Variants in GRID2 observed in about 807,000 individuals in gnomAD.
The protein encoded by GRID2 is glutamate ionotropic receptor delta type subunit 2, also known as glutamate receptor ionotropic, delta-2.
Under a neutral mutation model 114.8 loss-of-function variants are expected in GRID2, and 33 were observed. The observed-to-expected ratio is 0.29, with a 90% confidence interval of 0.22 to 0.38. The LOEUF (loss-of-function observed/expected upper bound fraction) is 0.38. Ranked by LOEUF, GRID2 falls within the 10% of genes least tolerant of loss-of-function variation. The pLI, the probability that GRID2 is intolerant of heterozygous loss-of-function variation, is 1.00. For synonymous variants in GRID2, 505 were observed against 449.9 expected (o/e 1.12, Z -1.55); for missense variants, 1,184 against 1,257.7 (o/e 0.94, Z 0.89).
rs191930405 is a variant in GRID2, at chr4:93,138,205, G to A, written c.735+27252G>A. Among the ~76,000 whole-genome samples the A allele has an allele frequency of 1.3e-4, 20 of 151,878 alleles. No individual in the cohort carries two copies. In the East Asian group the frequency reaches 2.9e-3, roughly 22 times the overall value. ...GCCCAGGCTGGTCTTGAACTCCTGA[G>A]CTCCAGTGATCCACCTGTCTCGGCC... is the stretch of plus-strand genomic sequence containing the variant. On this transcript the variant is annotated intron_variant, in intron 4 of 15. Transcript: ENST00000282020.
intron 1 of GRID2, among the ~76,000 whole-genome samples, chr4:92,446,977 A>G (rs1733504264): frequency 6.6e-6 from 1 of 152,192 alleles, no homozygotes; most frequent in South Asian, 2.1e-4. Context: ...TGTTTAAAGC[A>G]CTTCAGCTAG....
At chr4:92,745,480 A>G (rs1170396304) in intron 2 of GRID2, among the ~76,000 whole-genome samples, 1 of 152,160 alleles carries the variant, frequency 6.6e-6, no homozygotes, top group African/African-American at 2.4e-5. Context: ...CATGCTACTT[A>G]CTAAATATTA....
chr4:93,459,561 C>G (rs1367148589), intron 11 of GRID2, among the ~76,000 whole-genome samples: 2 of 152,026 alleles, frequency 1.3e-5, no homozygotes, highest in African/African-American at 4.8e-5. Context: ...GAGCATTGAC[C>G]AGAAATAGGA....
intron 1 of GRID2, among the ~76,000 whole-genome samples, chr4:92,391,463 G>C (rs1472848772): frequency 6.6e-6 from 1 of 151,804 alleles, no homozygotes; most frequent in Non-Finnish European, 1.5e-5. Context: ...GAAAATTATG[G>C]CATTGCTCTT....
At chr4:93,527,001 G>GTATGTAGTGTGTATGTACA (rs1422404522) in intron 13 of GRID2, among the ~76,000 whole-genome samples, 1 of 152,060 alleles carries the variant, frequency 6.6e-6, no homozygotes, top group Admixed American at 6.6e-5. Context: ...TAGTGTGTAT[G>GTATGTAGTGTGTATGTACA]TATATTATAC....
chr4:92,703,801 G>T (rs1734800604), intron 2 of GRID2, among the ~76,000 whole-genome samples: 1 of 151,742 alleles, frequency 6.6e-6, no homozygotes, highest in Admixed American at 6.6e-5. Flanking sequence ...TCTTCTAATT[G>T]CATCAAACAA....
intron 2 of GRID2, among the ~76,000 whole-genome samples, chr4:92,640,760 G>A (rs1263149583): frequency 6.6e-6 from 1 of 151,570 alleles, no homozygotes; most frequent in African/African-American, 2.4e-5. Context: ...TAAAATGAGG[G>A]ATTAGACTAT....
intron 14 of GRID2, among the ~76,000 whole-genome samples, chr4:93,638,026 T>G: frequency 6.6e-6 from 1 of 152,260 alleles, no homozygotes; most frequent in East Asian, 1.9e-4. Flanking sequence ...TTATATGGAA[T>G]AAGAGTCATT....
At position 93,346,091 on chromosome 4, in the gene GRID2, A is replaced by AT. The variant is rs1399645783; in HGVS notation, c.1246-49510dup. On this transcript the variant is annotated intron_variant, in intron 8 of 15. Coordinates refer to ENST00000282020, the MANE Select transcript of GRID2 (RefSeq NM_001510.4). ...ATCAGGTACTGTGATTCCCCCAGCT[A>AT]TTTTTTGCCAAAGATTGCTTTGACT... Among the ~76,000 whole-genome samples, 10 of 152,100 alleles carry AT rather than the reference A, an allele frequency of 6.6e-5. No individual in the cohort carries two copies. The South Asian group carries it at 2.1e-3, about 32-fold the overall frequency.
intron 8 of GRID2, among the ~76,000 whole-genome samples, chr4:93,324,288 T>G (rs1757582910): frequency 6.6e-6 from 1 of 152,202 alleles, no homozygotes; most frequent in South Asian, 2.1e-4. Context: ...AGGCCTTTTC[T>G]GCATCTGTGG....
intron 8 of GRID2, among the ~76,000 whole-genome samples, chr4:93,268,825 G>A (rs1455936487): frequency 6.6e-6 from 1 of 152,134 alleles, no homozygotes; most frequent in East Asian, 1.9e-4. Flanking sequence ...TCTTCTCGGA[G>A]AGCTGAATTA....
intron 2 of GRID2, among the ~76,000 whole-genome samples, chr4:92,920,535 C>T (rs910102419): frequency 1.3e-5 from 2 of 152,170 alleles, no homozygotes; most frequent in African/African-American, 4.8e-5. Context: ...TCTTTTAGGG[C>T]AGGCCTGGTG....
At chr4:93,296,878 T>G (rs1754364913) in intron 8 of GRID2, among the ~76,000 whole-genome samples, 1 of 152,202 alleles carries the variant, frequency 6.6e-6, no homozygotes, top group Non-Finnish European at 1.5e-5. Flanking sequence ...TTGCATACAT[T>G]TGTCCAGTTT....
chr4:92,923,488 A>G (rs919036595), intron 2 of GRID2, among the ~76,000 whole-genome samples: 8 of 152,026 alleles, frequency 5.3e-5, no homozygotes, highest in Non-Finnish European at 1.0e-4. Flanking sequence ...TACTAATACC[A>G]TATTTAATTA....
intron 11 of GRID2, among the ~76,000 whole-genome samples, chr4:93,469,441 AT>A (rs1054680343): frequency 6.6e-6 from 1 of 151,766 alleles, no homozygotes; most frequent in East Asian, 1.9e-4. Context: ...TAAATTGAAT[AT>A]TTTTATTATT....
At chr4:92,872,725 C>T (rs1235581796) in intron 2 of GRID2, among the ~76,000 whole-genome samples, 1 of 152,188 alleles carries the variant, frequency 6.6e-6, no homozygotes, top group African/African-American at 2.4e-5. Flanking sequence ...GTGCCTCCAG[C>T]AATGAGACAT....
chr4:93,543,139 G>GA (rs1478517560), intron 13 of GRID2, among the ~76,000 whole-genome samples: 3 of 152,084 alleles, frequency 2.0e-5, no homozygotes, highest in Non-Finnish European at 4.4e-5. Context: ...TAAATAAAAT[G>GA]AAAAACACCC....
intron 1 of GRID2, among the ~76,000 whole-genome samples, chr4:92,536,123 C>T (rs761013207): frequency 3.3e-5 from 5 of 152,002 alleles, no homozygotes; most frequent in East Asian, 3.9e-4. Context: ...CTGCTTGCGC[C>T]GGTGGCCTGC....
intron 1 of GRID2, among the ~76,000 whole-genome samples, chr4:92,322,613 T>C (rs1386416453): frequency 1.3e-5 from 2 of 152,078 alleles, no homozygotes; most frequent in Non-Finnish European, 2.9e-5. Flanking sequence ...TTGGACTGAT[T>C]GGAGGCAAAC....
Sources: allele counts gnomAD v4.1 joint callset (sites outside exome capture counted in the v4.1 genomes callset), GRCh38; gene constraint gnomAD v4.1.1; transcripts MANE v1.5; gene names NCBI Gene and HGNC (gene_info 2026-07-23, HGNC 2026-07-21).